The following MINDY4 variants were observed in gnomAD, a reference collection of about 807,000 sequenced individuals.
MINDY4 encodes MINDY lysine 48 deubiquitinase 4, also known as probable ubiquitin carboxyl-terminal hydrolase MINDY-4.
A neutral mutation model predicts 87.0 loss-of-function variants in MINDY4; 68 were observed. That is an observed-to-expected ratio of 0.78 (90% CI 0.64 to 0.96). The LOEUF (loss-of-function observed/expected upper bound fraction) is 0.96, where lower values mean the gene tolerates loss of function less well. Ranked by LOEUF, MINDY4 falls within the 40% of genes least tolerant of loss-of-function variation. The pLI, the probability that MINDY4 is intolerant of heterozygous loss-of-function variation, is 0.00. For synonymous variants in MINDY4, 379 were observed against 363.2 expected (o/e 1.04, Z -0.50); for missense variants, 919 against 928.2 (o/e 0.99, Z 0.13).
chr7:30,790,439 G>A (rs1787285405), intron 4 of MINDY4, among the ~76,000 whole-genome samples: 1 of 147,360 alleles, frequency 6.8e-6, no homozygotes, highest in African/African-American at 2.6e-5. Flanking sequence ...CATTTTCAGA[G>A]GTTTTGGGAT....
At chr7:30,869,878 C>A (rs1225492068) in intron 13 of MINDY4, among the ~76,000 whole-genome samples, 1 of 152,178 alleles carries the variant, frequency 6.6e-6, no homozygotes, top group Non-Finnish European at 1.5e-5. Context: ...TATGGATTGC[C>A]TTCTCTCTGG....
chr7:30,810,808 A>C (rs1787971862), intron 5 of MINDY4, among the ~76,000 whole-genome samples: 1 of 152,216 alleles, frequency 6.6e-6, no homozygotes, highest in Admixed American at 6.5e-5. Context: ...GCATTACTAA[A>C]TATAAAATGG....
chr7:30,874,225 G>A (rs537244446), intron 14 of MINDY4, among the ~76,000 whole-genome samples: 1 of 152,342 alleles, frequency 6.6e-6, no homozygotes, highest in South Asian at 2.1e-4. Context: ...CTAGTGCTGG[G>A]GCTGGGCTCG....
At chr7:30,773,318 C>G (rs1786701773) in intron 1 of MINDY4, among the ~76,000 whole-genome samples, 2 of 152,258 alleles carry the variant, frequency 1.3e-5, no homozygotes, top group South Asian at 2.1e-4. Context: ...ATAAGTATTC[C>G]CTTTCACATA....
chr7:30,827,267 T>C (rs879608462), intron 5 of MINDY4, among the ~76,000 whole-genome samples: 1 of 152,190 alleles, frequency 6.6e-6, no homozygotes, highest in Non-Finnish European at 1.5e-5. Flanking sequence ...AAAGGGACAC[T>C]GAGGCACAGC....
intron 8 of MINDY4, among the ~76,000 whole-genome samples, chr7:30,840,486 C>T (rs539552560): frequency 4.6e-5 from 7 of 152,320 alleles, no homozygotes; most frequent in Non-Finnish European, 1.0e-4. Flanking sequence ...ATGTCCTTGG[C>T]TTCACAGCTG....
chr7:30,820,153 G>A (rs1024231303), intron 5 of MINDY4, among the ~76,000 whole-genome samples: 13 of 151,678 alleles, frequency 8.6e-5, no homozygotes, highest in South Asian at 4.2e-4. Context: ...CGCCCGCCTC[G>A]GCCTCCCAAA....
At chr7:30,826,299 A>G (rs901221298) in intron 5 of MINDY4, among the ~76,000 whole-genome samples, 2 of 152,154 alleles carry the variant, frequency 1.3e-5, no homozygotes, top group African/African-American at 2.4e-5. Flanking sequence ...CATTTTACGT[A>G]TCTGTGTAAT....
At chr7:30,816,463 G>A (rs952597788) in intron 5 of MINDY4, among the ~76,000 whole-genome samples, 2 of 152,134 alleles carry the variant, frequency 1.3e-5, no homozygotes, top group African/African-American at 4.8e-5. Context: ...GGACACATAC[G>A]GAAAGAGAGT....
At chr7:30,863,651 G>A (rs898087264) in intron 13 of MINDY4, among the ~76,000 whole-genome samples, 1 of 152,106 alleles carries the variant, frequency 6.6e-6, no homozygotes, top group Non-Finnish European at 1.5e-5. Flanking sequence ...GGACATCATG[G>A]ACAGATGTAA....
chr7:30,891,578 A>G (rs913282714), intron 17 of MINDY4, among the ~76,000 whole-genome samples: 1 of 152,144 alleles, frequency 6.6e-6, no homozygotes, highest in Non-Finnish European at 1.5e-5. Flanking sequence ...CTAGGACTGC[A>G]CAGGTGCCTC....
intron 15 of MINDY4, among the ~76,000 whole-genome samples, chr7:30,875,968 G>A (rs1250330537): frequency 6.6e-6 from 1 of 152,218 alleles, no homozygotes; most frequent in Non-Finnish European, 1.5e-5. Flanking sequence ...GCCTTCTCAA[G>A]GGACAGGAAC....
chr7:30,838,240 G>A (rs1022558421), intron 7 of MINDY4, among the ~76,000 whole-genome samples: 36 of 152,302 alleles, frequency 2.4e-4, no homozygotes, highest in African/African-American at 8.2e-4. Context: ...AGGGTGATGC[G>A]TGGGTTGATG....
At position 30,817,973 on chromosome 7, in the gene MINDY4, TATA is replaced by T. The variant is rs535185644; in HGVS notation, c.1074-10705_1074-10703del. ...GCCTTGTTGCTTGCCCTCTAGTATG[TATA>T]TCACCAGCATATTGGGTATGTGTGG... On this transcript the variant is annotated intron_variant, in intron 5 of 17. Coordinates refer to ENST00000265299, the MANE Select transcript of MINDY4 (RefSeq NM_032222.3). 1.8e-3 allele frequency among the ~76,000 whole-genome samples: 276 copies of T among 152,306 alleles called. 2 individuals are homozygous for T. In the Middle Eastern group the frequency reaches 0.02, roughly 11 times the overall value.
At chr7:30,812,567 A>T (rs1296881884) in intron 5 of MINDY4, among the ~76,000 whole-genome samples, 5 of 152,214 alleles carry the variant, frequency 3.3e-5, no homozygotes, top group Non-Finnish European at 5.9e-5. Context: ...ATAAAACCCA[A>T]GGCTAGCCCA....
intron 13 of MINDY4, among the ~76,000 whole-genome samples, chr7:30,864,310 A>T (rs1447186316): frequency 6.6e-6 from 1 of 152,240 alleles, no homozygotes; most frequent in Non-Finnish European, 1.5e-5. Flanking sequence ...GCAACAAAAT[A>T]GTTGATTCCT....
intron 5 of MINDY4, among the ~76,000 whole-genome samples, chr7:30,796,240 A>T (rs1787485464): frequency 6.6e-6 from 1 of 151,908 alleles, no homozygotes; most frequent in Non-Finnish European, 1.5e-5. Context: ...TCTCACTGTC[A>T]CATCTGTCTC....
intron 12 of MINDY4, among the ~76,000 whole-genome samples, chr7:30,857,483 T>G (rs1306563104): frequency 1.6e-5 from 1 of 60,956 alleles, no homozygotes; most frequent in African/African-American, 4.8e-4. Context: ...TTTTTTTTTT[T>G]TTTTTTTGAG....
intron 5 of MINDY4, among the ~76,000 whole-genome samples, chr7:30,820,065 C>G (rs879476618): frequency 2.1e-4 from 31 of 150,862 alleles, no homozygotes; most frequent in African/African-American, 6.1e-4. Flanking sequence ...CTACGCCCGG[C>G]TAATTTTTTG....
Sources: gnomAD v4.1 joint callset for allele counts (sites outside exome capture counted in the v4.1 genomes callset) on GRCh38, gnomAD v4.1.1 for gene constraint, MANE v1.5 for transcripts, NCBI Gene and HGNC (gene_info 2026-07-23, HGNC 2026-07-21) for gene names.